The following FMN1 variants were observed in gnomAD, a reference collection of about 807,000 sequenced individuals.
FMN1 encodes formin-1.
Under a neutral mutation model 132.4 loss-of-function variants are expected in FMN1, and 110 were observed. The ratio of observed to expected loss-of-function variants is 0.83; its 90% CI spans 0.71 to 0.97. FMN1 has a LOEUF of 0.97. Ranked by LOEUF, FMN1 falls within the 50% of genes least tolerant of loss-of-function variation. The probability of loss-of-function intolerance (pLI) is 0.00; values close to 1 mark genes in which losing one functional copy is unlikely to be tolerated. For synonymous variants in FMN1, 722 were observed against 651.7 expected (o/e 1.11, Z -1.64); for missense variants, 1,792 against 1,705.3 (o/e 1.05, Z -0.90).
intron 17 of FMN1, among the ~76,000 whole-genome samples, chr15:32,807,707 T>C (rs1305116976): frequency 2.0e-5 from 3 of 152,180 alleles, no homozygotes; most frequent in Non-Finnish European, 4.4e-5. Context: ...TCTGTGAATA[T>C]GGTGATTTGG....
intron 3 of FMN1, among the ~76,000 whole-genome samples, chr15:33,159,756 T>C (rs1250924944): frequency 6.6e-6 from 1 of 152,190 alleles, no homozygotes; most frequent in African/African-American, 2.4e-5. Context: ...AACATGGCAG[T>C]GAATATCAGC....
At chr15:32,839,322 C>T (rs1204607385) in intron 17 of FMN1, among the ~76,000 whole-genome samples, 1 of 152,156 alleles carries the variant, frequency 6.6e-6, no homozygotes, top group Non-Finnish European at 1.5e-5. Flanking sequence ...AGCACCAACC[C>T]ACCCTTCAGG....
At chr15:32,828,659 A>G (rs933112576) in intron 17 of FMN1, among the ~76,000 whole-genome samples, 5 of 152,236 alleles carry the variant, frequency 3.3e-5, no homozygotes, top group Non-Finnish European at 7.3e-5. Context: ...TGAGGATGAA[A>G]GATAAACATT....
intron 17 of FMN1, among the ~76,000 whole-genome samples, chr15:32,823,457 C>T (rs1030035217): frequency 6.6e-6 from 1 of 152,126 alleles, no homozygotes; most frequent in Non-Finnish European, 1.5e-5. Flanking sequence ...AGCCACTGCG[C>T]CCGGCCGAGA....
chr15:33,042,786 T>TTTC (rs1422471045), intron 6 of FMN1, among the ~76,000 whole-genome samples: 1 of 151,716 alleles, frequency 6.6e-6, no homozygotes, highest in African/African-American at 2.4e-5. Flanking sequence ...AACTTTTTTT[T>TTTC]TTTAAACAAA....
intron 9 of FMN1, among the ~76,000 whole-genome samples, chr15:32,945,877 C>T (rs1197087459): frequency 6.6e-6 from 1 of 152,114 alleles, no homozygotes; most frequent in Non-Finnish European, 1.5e-5. Context: ...ATACTTAGGG[C>T]ACCTCACATT....
intron 4 of FMN1, among the ~76,000 whole-genome samples, chr15:33,120,608 T>C (rs948874237): frequency 1.7e-5 from 1 of 59,790 alleles, no homozygotes; most frequent in Non-Finnish European, 3.1e-5. Flanking sequence ...GATACCAAGA[T>C]ACTGTTCGGC....
chr15:32,980,960 G>A (rs951456007), intron 7 of FMN1, among the ~76,000 whole-genome samples: 3 of 152,308 alleles, frequency 2.0e-5, no homozygotes, highest in South Asian at 2.1e-4. Flanking sequence ...GTTGCAGTAA[G>A]CAGAGATCGT....
At chr15:32,929,340 G>C (rs138613288) in intron 9 of FMN1, among the ~76,000 whole-genome samples, 2 of 152,164 alleles carry the variant, frequency 1.3e-5, no homozygotes, top group South Asian at 4.1e-4. Flanking sequence ...GACACAATGC[G>C]CACAGAATGA....
intron 3 of FMN1, among the ~76,000 whole-genome samples, chr15:33,165,686 T>C (rs1965079345): frequency 2.0e-5 from 3 of 152,170 alleles, no homozygotes; most frequent in Admixed American, 2.0e-4. Flanking sequence ...CCACCGCACC[T>C]GGCCGGTTTT....
intron 17 of FMN1, among the ~76,000 whole-genome samples, chr15:32,848,962 G>T (rs1016627659): frequency 1.4e-5 from 2 of 146,406 alleles, no homozygotes; most frequent in Admixed American, 7.0e-5. Flanking sequence ...ATCAGTCTTG[G>T]GTTAGTTCTC....
chr15:33,127,996 G>T (rs77283293), intron 4 of FMN1, among the ~76,000 whole-genome samples: 3,121 of 152,224 alleles, frequency 0.021, 109 homozygotes, highest in African/African-American at 0.072. Flanking sequence ...AGGGCAACGG[G>T]GGAAGGGGAA....
intron 4 of FMN1, among the ~76,000 whole-genome samples, chr15:33,091,882 A>G (rs969842008): frequency 1.3e-4 from 20 of 152,254 alleles, no homozygotes; most frequent in Admixed American, 1.3e-3. Flanking sequence ...TTTCCGACAC[A>G]AATAGATTTG....
At chr15:33,143,440 G>T (rs1964088118) in intron 4 of FMN1, among the ~76,000 whole-genome samples, 1 of 151,866 alleles carries the variant, frequency 6.6e-6, no homozygotes, top group Non-Finnish European at 1.5e-5. Flanking sequence ...ATATGTCATT[G>T]GTCAGTTTCA....
At chr15:33,048,099 T>A (rs1285927820) in intron 6 of FMN1, among the ~76,000 whole-genome samples, 1 of 150,878 alleles carries the variant, frequency 6.6e-6, no homozygotes, top group Non-Finnish European at 1.5e-5. Context: ...ATAAAAAGTT[T>A]TAAAGATTAT....
Position 33,160,657 on chromosome 15 carries a change from C to T in FMN1, c.-131-5612G>A, listed in dbSNP as rs1044957512. On this transcript the variant is annotated intron_variant, in intron 3 of 20. Transcript: ENST00000616417. ...CACAGGACTATTTCAAACAGCATTG[C>T]CTCATTCTACTTGGACTCAAATGCA... Among the ~76,000 whole-genome samples, 4 of 152,190 alleles carry T rather than the reference C, an allele frequency of 2.6e-5. No individual in the cohort carries two copies. In the East Asian group the frequency reaches 7.7e-4, roughly 29 times the overall value.
intron 4 of FMN1, among the ~76,000 whole-genome samples, chr15:33,123,089 T>C (rs898230874): frequency 1.3e-5 from 2 of 151,110 alleles, no homozygotes; most frequent in Non-Finnish European, 2.9e-5. Context: ...GCCCAAATTG[T>C]AGAATCATCT....
intron 4 of FMN1, among the ~76,000 whole-genome samples, chr15:33,107,415 G>A (rs2039528144): frequency 6.6e-6 from 1 of 152,008 alleles, no homozygotes; most frequent in East Asian, 1.9e-4. Context: ...TCCCATCATA[G>A]TTAAAATAAA....
chr15:32,831,624 A>G (rs369132132), intron 17 of FMN1, among the ~76,000 whole-genome samples: 1 of 152,156 alleles, frequency 6.6e-6, no homozygotes, highest in South Asian at 2.1e-4. Flanking sequence ...TCCCTAGACC[A>G]CAGGAAAAAT....
Sources: allele counts gnomAD v4.1 joint callset (sites outside exome capture counted in the v4.1 genomes callset), GRCh38; gene constraint gnomAD v4.1.1; transcripts MANE v1.5; gene names NCBI Gene and HGNC (gene_info 2026-07-23, HGNC 2026-07-21).